The following MYLK variants were observed in gnomAD, a reference collection of about 807,000 sequenced individuals.
The protein encoded by MYLK is myosin light chain kinase, smooth muscle.
MYLK carries 106 observed loss-of-function variants against 203.4 expected under a neutral mutation model. That is an observed-to-expected ratio of 0.52 (90% CI 0.45 to 0.61). MYLK has a LOEUF of 0.61. MYLK is among the 20% of genes least tolerant of loss of function. The probability of loss-of-function intolerance (pLI) is 0.00; values close to 1 mark genes in which losing one functional copy is unlikely to be tolerated. For synonymous variants in MYLK, 867 were observed against 959.5 expected (o/e 0.90, Z 1.78); for missense variants, 2,072 against 2,442.3 (o/e 0.85, Z 3.20).
intron 2 of MYLK, among the ~76,000 whole-genome samples, chr3:123,837,703 C>T (rs1397894512): frequency 1.3e-5 from 2 of 151,794 alleles, no homozygotes; most frequent in African/African-American, 2.4e-5. Context: ...CACAGTCACT[C>T]CCCATATCCT....
intron 20 of MYLK, among the ~76,000 whole-genome samples, chr3:123,677,265 G>A (rs1225098279): frequency 1.3e-5 from 2 of 152,234 alleles, no homozygotes; most frequent in African/African-American, 2.4e-5. Flanking sequence ...AGTTGGGAAA[G>A]GCCTGAGGTC....
chr3:123,794,158 G>T (rs1166398197), intron 3 of MYLK, among the ~76,000 whole-genome samples: 1 of 152,222 alleles, frequency 6.6e-6, no homozygotes, highest in Non-Finnish European at 1.5e-5. Flanking sequence ...GGAAGCTGGG[G>T]ACAAGAATGG....
chr3:123,631,384 G>A (rs565501179), intron 29 of MYLK, among the ~76,000 whole-genome samples: 4 of 134,862 alleles, frequency 3.0e-5, no homozygotes, highest in East Asian at 2.2e-4. Flanking sequence ...GGCAACAAGC[G>A]AAACTCAATC....
At chr3:123,783,625 T>A (rs2064385173) in intron 4 of MYLK, among the ~76,000 whole-genome samples, 1 of 151,864 alleles carries the variant, frequency 6.6e-6, no homozygotes, top group Non-Finnish European at 1.5e-5. Context: ...AAGTAATTCC[T>A]GTCTACTGTT....
chr3:123,800,239 A>AG (rs2065148157), intron 3 of MYLK: 1 of 151,992 alleles, frequency 6.6e-6, no homozygotes, highest in Admixed American at 6.6e-5. Flanking sequence ...GAGCAAAGGG[A>AG]GGACCCTGTC....
chr3:123,697,080 G>A (rs2060959971), intron 18 of MYLK, among the ~76,000 whole-genome samples: 1 of 152,194 alleles, frequency 6.6e-6, no homozygotes. Context: ...TCAGCACTTG[G>A]CTGTAACAAT....
Position 123,629,564 on chromosome 3 carries a change from G to C in MYLK, c.5024C>G (p.Ser1675Ter). 6.2e-7 allele frequency: 1 copy of C among 1,614,202 alleles called. No individual in the cohort carries two copies. The highest frequency in any genetic ancestry group is 8.5e-7 in the Non-Finnish European group (1 of 1,180,028). The change falls in exon 30 of 34, where the codon TCA becomes TGA. Residue 1675 changes from serine to a stop codon, truncating the protein, a stop_gained. Coordinates refer to ENST00000360304, the MANE Select transcript of MYLK (RefSeq NM_053025.4). LOFTEE classifies it high-confidence loss of function. The surrounding 1 kb of genome is among the most constrained non-coding windows in gnomAD (Gnocchi z 4.4). The part of the protein sequence containing the change: ...NDNETLANVT[S>*]ATWDFDDEAF... Reference sequence around the variant, plus strand: ...CTCGTCGTCGAAGTCCCAGGTGGCTGAGGTAACGTTGGCCAAGGTTTCGTT... The same window carrying C: ...CTCGTCGTCGAAGTCCCAGGTGGCTCAGGTAACGTTGGCCAAGGTTTCGTT...
At chr3:123,849,562 A>G (rs2030483832) in intron 2 of MYLK, among the ~76,000 whole-genome samples, 1 of 152,184 alleles carries the variant, frequency 6.6e-6, no homozygotes, top group African/African-American at 2.4e-5. Context: ...ACTGGCTTTG[A>G]AATAATGGCT....
rs547106346 is a variant in MYLK at position 123,614,452 on chromosome 3, T to C, written c.5501-103A>G. On this transcript the variant is annotated intron_variant, in intron 33 of 33. Coordinates refer to ENST00000360304, the MANE Select transcript of MYLK (RefSeq NM_053025.4). The stretch of plus-strand genomic sequence containing the variant: ...AGCTACCACTATTGATTAAGGTGGT[T>C]AAGGAGAAAATTTTGATGTTGGCCT... 9 of 1,427,410 alleles carry C rather than the reference T, an allele frequency of 6.3e-6. No individual in the cohort carries two copies. The South Asian group carries it at 1.1e-4, about 17-fold the overall frequency. 88.4% of individuals were successfully genotyped at this position (1,427,410 alleles called of 1,614,324 possible). A position where few individuals can be genotyped will look rare whatever the true frequency, so the allele number is the denominator to read the frequency against.
chr3:123,815,130 A>G (rs573112845), intron 3 of MYLK, among the ~76,000 whole-genome samples: 34 of 152,244 alleles, frequency 2.2e-4, no homozygotes, highest in Middle Eastern at 3.4e-3. Context: ...TTATTTCCCC[A>G]AGATACATTT....
At chr3:123,739,838 C>T (rs1193952414) in intron 6 of MYLK, 115 bp downstream of exon 6, 91 of 1,156,822 alleles carry the variant, frequency 7.9e-5, no homozygotes, top group Admixed American at 7.3e-4. Context: ...ACTAGGCTCC[C>T]GCCCTTTGGT....
intron 19 of MYLK, among the ~76,000 whole-genome samples, chr3:123,685,197 G>A (rs1560069469): frequency 6.6e-6 from 1 of 152,210 alleles, no homozygotes; most frequent in Non-Finnish European, 1.5e-5. Context: ...TCCCATCTCT[G>A]TTTCCACATC....
intron 31 of MYLK, chr3:123,624,897 C>T (rs1041787681): frequency 2.6e-5 from 4 of 152,222 alleles, no homozygotes; most frequent in Admixed American, 2.0e-4. Flanking sequence ...CCTCTTTCAA[C>T]CTCTGAGTGA....
At chr3:123,805,208 C>A (rs1054662107) in intron 3 of MYLK, among the ~76,000 whole-genome samples, 2 of 152,208 alleles carry the variant, frequency 1.3e-5, no homozygotes, top group Admixed American at 6.5e-5. Context: ...GAGACATGAG[C>A]CAACCTGGTT....
intron 2 of MYLK, among the ~76,000 whole-genome samples, chr3:123,866,180 T>G (rs2032314910): frequency 6.6e-6 from 1 of 152,158 alleles, no homozygotes; most frequent in South Asian, 2.1e-4. Flanking sequence ...ACAAAATGAT[T>G]GTTGTCTTAT....
chr3:123,692,454 C>A lies in MYLK; in HGVS notation c.3565+281G>T, dbSNP rs993044914. 5 of 1,212,946 alleles carry A rather than the reference C, an allele frequency of 4.1e-6. No homozygotes were observed. In the South Asian group the frequency reaches 7.9e-5, roughly 19 times the overall value. 75.1% of individuals were successfully genotyped at this position (1,212,946 alleles called of 1,614,324 possible). The stretch of plus-strand genomic sequence containing the variant: ...TCTACTGCCCAGTGCCCCAGCTTCC[C>A]AGCTCAGAAGGTTCTGGGTGTGGGG... On this transcript the variant is annotated intron_variant, in intron 19 of 33. Transcript: ENST00000360304.
At chr3:123,647,630 G>A (rs182539223) in intron 26 of MYLK, among the ~76,000 whole-genome samples, 2 of 152,212 alleles carry the variant, frequency 1.3e-5, no homozygotes, top group East Asian at 1.9e-4. Context: ...AAGGCATATC[G>A]CCCATAAAAT....
intron 5 of MYLK, among the ~76,000 whole-genome samples, chr3:123,741,529 C>T (rs1560160034): frequency 6.6e-6 from 1 of 152,144 alleles, no homozygotes; most frequent in Non-Finnish European, 1.5e-5. Flanking sequence ...GATGCTGGGC[C>T]CTCAGATGCT....
chr3:123,718,181 G>T (rs2061968947), intron 13 of MYLK, among the ~76,000 whole-genome samples: 1 of 152,148 alleles, frequency 6.6e-6, no homozygotes, highest in African/African-American at 2.4e-5. Flanking sequence ...GACTCTTGAA[G>T]GTAATTTGCA....
Sources: gnomAD v4.1 joint callset for allele counts (sites outside exome capture counted in the v4.1 genomes callset) on GRCh38, gnomAD v4.1.1 for gene constraint, Gnocchi (gnomAD v3.1) non-coding constraint, MANE v1.5 for transcripts, NCBI Gene and HGNC (gene_info 2026-07-23, HGNC 2026-07-21) for gene names.